Variants in NDUFA9 observed in about 807,000 individuals in gnomAD.
NDUFA9 encodes NADH dehydrogenase [ubiquinone] 1 alpha subcomplex subunit 9, mitochondrial.
In NDUFA9, 23 loss-of-function variants were observed where a neutral mutation model predicts 45.9. The ratio of observed to expected loss-of-function variants is 0.50; its 90% CI spans 0.36 to 0.71. The LOEUF (loss-of-function observed/expected upper bound fraction) is 0.71, where lower values mean the gene tolerates loss of function less well. Ranked by LOEUF, NDUFA9 falls within the 30% of genes least tolerant of loss-of-function variation. The pLI is 0.00. For synonymous variants in NDUFA9, 176 were observed against 170.5 expected (o/e 1.03, Z -0.25); for missense variants, 466 against 488.2 (o/e 0.95, Z 0.43).
chr12:4,666,152 C>T (rs1174911855), intron 6 of NDUFA9, among the ~76,000 whole-genome samples: 4 of 152,144 alleles, frequency 2.6e-5, no homozygotes, highest in African/African-American at 9.7e-5. Flanking sequence ...TGATGTTGAG[C>T]ATCTTTTCAT....
At chr12:4,684,639 T>A (rs528611285) in intron 9 of NDUFA9, among the ~76,000 whole-genome samples, 16 of 152,256 alleles carry the variant, frequency 1.1e-4, no homozygotes, top group African/African-American at 3.8e-4. Context: ...AAAAAGTCAC[T>A]GCCCTGAGGT....
At chr12:4,683,151 G>A (rs1466815412) in intron 9 of NDUFA9, among the ~76,000 whole-genome samples, 4 of 145,312 alleles carry the variant, frequency 2.8e-5, no homozygotes, top group African/African-American at 1.0e-4. Flanking sequence ...ATCCAGCCTG[G>A]ACAACATAGT....
rs575072838 is a variant in NDUFA9 at position 4,690,903 on chromosome 12, G to A, written c.*3795G>A. On this transcript the variant is annotated 3_prime_UTR_variant, in exon 11 of 11. Coordinates refer to ENST00000266544, the MANE Select transcript of NDUFA9 (RefSeq NM_005002.5). The stretch of plus-strand genomic sequence containing the variant: ...TGTGTTGGACCGGGGTGAGGAGGAA[G>A]CAGTCATTCATGCTGTGGAAGAGAA... 1.3e-5 allele frequency: 2 copies of A among 152,256 alleles called. No individual in the cohort carries two copies. Among genetic ancestry groups the A allele is most frequent in the South Asian group, 2.1e-4 (1 of 4,822 alleles). The allele number at this position is 152,256 out of a possible 1,614,324, so 9.4% of individuals were successfully genotyped here. A position where few individuals can be genotyped will look rare whatever the true frequency, so the allele number is the denominator to read the frequency against.
intron 6 of NDUFA9, among the ~76,000 whole-genome samples, chr12:4,664,708 G>T (rs185952658): frequency 6.6e-5 from 10 of 152,192 alleles, no homozygotes; most frequent in Non-Finnish European, 1.5e-5. Flanking sequence ...TAGAACTACC[G>T]CTTCAGTGGG....
chr12:4,654,348 C>T lies in NDUFA9; in HGVS notation c.106C>T (p.Leu36Phe), dbSNP rs758620918. 1.9e-6 allele frequency: 3 copies of T among 1,614,160 alleles called. No homozygotes were observed. The South Asian group carries it at 3.3e-5, about 18-fold the overall frequency. Residue 36 changes from leucine (L) to phenylalanine (F), a missense_variant, in exon 2 of 11, where the codon CTT (leucine) becomes TTT (phenylalanine). Physicochemically the swap from Leu to Phe is conservative, Grantham distance 22. Transcript: ENST00000266544. Reference protein sequence around the residue: ...SVCHGPPCRQLHHALMPHGKG... With the variant: ...SVCHGPPCRQFHHALMPHGKG... ...GTGTCACGGCCCACCCTGTCGCCAG[C>T]TTCATCATGCCCTCATGCCTCATGG...
In NDUFA9 at chr12:4,654,343, G is replaced by A. The variant is rs778957183; in HGVS notation, c.101G>A (p.Arg34His). 21 of 1,614,042 alleles carry A rather than the reference G, an allele frequency of 1.3e-5. No individual in the cohort carries two copies. The highest frequency in any genetic ancestry group is 2.2e-5 in the East Asian group (1 of 44,880). Residue 34 changes from arginine (R) to histidine (H), a missense_variant, in exon 2 of 11, where the codon CGC (arginine) becomes CAC (histidine). By Grantham distance (29) the Arg-to-His change is conservative. Coordinates refer to ENST00000266544, the MANE Select transcript of NDUFA9 (RefSeq NM_005002.5). ...ATSVCHGPPC[R>H]QLHHALMPHG... ...TCTGTGTGTCACGGCCCACCCTGTCGCCAGCTTCATCATGCCCTCATGCCT... is the reference window on the plus strand; with the variant it reads ...TCTGTGTGTCACGGCCCACCCTGTCACCAGCTTCATCATGCCCTCATGCCT...
In NDUFA9 at chr12:4,657,822, A is replaced by G. The variant is rs775688022; in HGVS notation, c.393A>G (p.Gly131=). ...QHSNVVINLI[G]RDWETKNFDF... ...GCAATGTGGTCATCAATCTTATTGG[A>G]CGAGACTGGGAAACCAAGTAAGTCT... Residue 131 remains glycine (G), a synonymous_variant, in exon 4 of 11, where the codon GGA becomes GGG. Transcript: ENST00000266544. 2 of 1,613,186 alleles carry G rather than the reference A, an allele frequency of 1.2e-6. No individual in the cohort carries two copies. The highest frequency in any genetic ancestry group is 1.7e-6 in the Non-Finnish European group (2 of 1,179,174).
At chr12:4,674,270 A>G (rs1196346330) in intron 8 of NDUFA9, among the ~76,000 whole-genome samples, 1 of 152,230 alleles carries the variant, frequency 6.6e-6, no homozygotes, top group Non-Finnish European at 1.5e-5. Flanking sequence ...CTAACGGGCA[A>G]AATAACCAGC....
intron 8 of NDUFA9, among the ~76,000 whole-genome samples, chr12:4,677,174 G>GTT (rs756277384): frequency 5.9e-5 from 9 of 152,146 alleles, no homozygotes; most frequent in Non-Finnish European, 1.2e-4. Context: ...AGACTTAAAC[G>GTT]TAAGACCTAA....
chr12:4,662,200 C>A (rs1945827007), intron 5 of NDUFA9, among the ~76,000 whole-genome samples: 1 of 152,102 alleles, frequency 6.6e-6, no homozygotes, highest in Admixed American at 6.5e-5. Flanking sequence ...TAACAGGCTG[C>A]TAGATGGTTG....
rs780415526 is a variant in NDUFA9 at position 4,668,558 on chromosome 12, T to G, written c.723+34T>G. 3 of 1,541,712 alleles carry G rather than the reference T, an allele frequency of 1.9e-6. No homozygotes were observed. In the East Asian group the frequency reaches 6.7e-5, roughly 35 times the overall value. On this transcript the variant is annotated intron_variant, in intron 7 of 10. Transcript: ENST00000266544. ...TTGGATGAAGGGGGTCAGAAAGGGA[T>G]TTTTGATGAATTCAGATTTGAGTGA...
At chr12:4,673,023 C>T (rs190372966) in intron 8 of NDUFA9, among the ~76,000 whole-genome samples, 393 of 152,306 alleles carry the variant, frequency 2.6e-3, no homozygotes, top group African/African-American at 8.9e-3. Flanking sequence ...GACGAAGCTT[C>T]CAGAGGAAGG....
At chr12:4,672,016 A>G (rs1945890062) in intron 8 of NDUFA9, among the ~76,000 whole-genome samples, 1 of 152,186 alleles carries the variant, frequency 6.6e-6, no homozygotes, top group African/African-American at 2.4e-5. Context: ...AAGGCGAGTG[A>G]TTTCTGCATT....
intron 8 of NDUFA9, among the ~76,000 whole-genome samples, chr12:4,671,943 T>C (rs925750389): frequency 3.3e-5 from 5 of 152,146 alleles, no homozygotes; most frequent in Non-Finnish European, 7.4e-5. Context: ...AAAACAAGGA[T>C]TGGTGGCAAG....
intron 2 of NDUFA9, 28 bp downstream of exon 2, chr12:4,654,490 C>T (rs1399485752): frequency 6.2e-7 from 1 of 1,609,772 alleles, no homozygotes; most frequent in Admixed American, 1.7e-5. Flanking sequence ...AGTTCATATG[C>T]TCCATTGCCA....
chr12:4,693,469 C>T lies in NDUFA9; in HGVS notation c.*6361C>T, dbSNP rs1385096068. 6.6e-6 allele frequency: 1 copy of T among 152,186 alleles called. No individual in the cohort carries two copies. Among genetic ancestry groups the T allele is most frequent in the Non-Finnish European group, 1.5e-5 (1 of 68,036 alleles). The allele number at this position is 152,186 out of a possible 1,614,324, so 9.4% of individuals were successfully genotyped here. On this transcript the variant is annotated 3_prime_UTR_variant, in exon 11 of 11. Transcript: ENST00000266544. ...CTTCTGTATTTTCATTTATCTCCAC[C>T]CCCAGTTTACCAGCAGTGGTTATCC...
Position 4,668,402 on chromosome 12 carries a change from G to T in NDUFA9, c.656-55G>T, listed in dbSNP as rs533044724. The T allele has an allele frequency of 8.0e-5, 108 of 1,343,354 alleles. 2 individuals carry two copies. The South Asian group carries it at 1.2e-3, about 15-fold the overall frequency. The allele number at this position is 1,343,354 out of a possible 1,614,324, so 83.2% of individuals were successfully genotyped here. ...AATTATGTTAATCTTAAGACTGTTG[G>T]ATCTTACAGCAATTTAAGCCTTCTC... On this transcript the variant is annotated intron_variant, in intron 6 of 10. Coordinates refer to ENST00000266544, the MANE Select transcript of NDUFA9 (RefSeq NM_005002.5).
chr12:4,666,398 G>C (rs1228823008), intron 6 of NDUFA9, among the ~76,000 whole-genome samples: 1 of 152,130 alleles, frequency 6.6e-6, no homozygotes, highest in Non-Finnish European at 1.5e-5. Flanking sequence ...GATGTAGTCA[G>C]GCTTATCTAT....
In NDUFA9 at chr12:4,657,929, A is replaced by G; in HGVS notation, c.410+90A>G. 3.0e-6 allele frequency: 3 copies of G among 993,286 alleles called. No individual in the cohort carries two copies. In the South Asian group the frequency reaches 3.9e-5, roughly 13 times the overall value. 61.5% of individuals were successfully genotyped at this position (993,286 alleles called of 1,614,324 possible). On this transcript the variant is annotated intron_variant, in intron 4 of 10. Transcript: ENST00000266544. ...GGGCACCTTTTATGTGCCAGCTATC[A>G]CAGTGACATTTTCAATTAGTGAATA... is the stretch of plus-strand genomic sequence containing the variant.
Sources: gnomAD v4.1 joint callset for allele counts (sites outside exome capture counted in the v4.1 genomes callset) on GRCh38, gnomAD v4.1.1 for gene constraint, MANE v1.5 for transcripts, NCBI Gene and HGNC (gene_info 2026-07-23, HGNC 2026-07-21) for gene names.